SLC16A2: variants seen among roughly 807,000 people sequenced by gnomAD.
SLC16A2 encodes the protein monocarboxylate transporter 8.
A neutral mutation model predicts 27.2 loss-of-function variants in SLC16A2; 3 were observed. The ratio of observed to expected loss-of-function variants is 0.11; its 90% CI spans 0.05 to 0.28. SLC16A2 has a LOEUF of 0.28. Among genes scored for constraint, SLC16A2 ranks in the 10% least tolerant of loss-of-function variants. The pLI is 1.00. For missense variants in SLC16A2, 295 were observed against 458.5 expected (o/e 0.64, Z 3.26); for synonymous variants, 202 against 187.8 (o/e 1.08, Z -0.62).
chrX:74,521,230 G>A (rs1158355756), intron 2 of SLC16A2, 96 bp downstream of exon 2: 19 of 1,048,220 alleles, frequency 1.8e-5, no homozygotes, highest in Non-Finnish European at 2.7e-6. Context: ...AGAATCCCCT[G>A]TGGCCATGGC....
intron 1 of SLC16A2, among the ~76,000 whole-genome samples, chrX:74,490,871 G>T (rs1929814561): frequency 8.9e-6 from 1 of 112,027 alleles, no homozygotes; most frequent in Admixed American, 9.5e-5. Context: ...ACTAGAAGTA[G>T]GATCTTTAAA....
intron 1 of SLC16A2, among the ~76,000 whole-genome samples, chrX:74,434,855 G>A (rs374090437): frequency 7.4e-4 from 71 of 95,791 alleles, no homozygotes; most frequent in African/African-American, 1.1e-3. Context: ...TTGCTCTGTC[G>A]CCCAGGCTGG....
At chrX:74,496,561 G>A (rs1929940343) in intron 1 of SLC16A2, among the ~76,000 whole-genome samples, 1 of 112,145 alleles carries the variant, frequency 8.9e-6, no homozygotes, top group African/African-American at 3.2e-5. Flanking sequence ...AAGTAAGCCA[G>A]GGAACTGTGG....
At chrX:74,469,914 G>C (rs1929323904) in intron 1 of SLC16A2, among the ~76,000 whole-genome samples, 1 of 111,801 alleles carries the variant, frequency 8.9e-6, no homozygotes, top group South Asian at 3.7e-4. Context: ...AATAACATGT[G>C]TCTACCATTA....
intron 1 of SLC16A2, among the ~76,000 whole-genome samples, chrX:74,512,165 A>G (rs1930244639): frequency 8.9e-6 from 1 of 112,129 alleles, no homozygotes; most frequent in African/African-American, 3.2e-5. Flanking sequence ...CCCCATGCCA[A>G]ACCAATACCA....
At chrX:74,442,228 CAAAAAAAAA>C (rs1278847714) in intron 1 of SLC16A2, among the ~76,000 whole-genome samples, 2 of 38,382 alleles carry the variant, frequency 5.2e-5, no homozygotes, top group African/African-American at 1.8e-4. Flanking sequence ...AACTCCGTCT[CAAAAAAAAA>C]AAAAAAAAAA....
At chrX:74,487,371 T>G (rs1929740708) in intron 1 of SLC16A2, among the ~76,000 whole-genome samples, 1 of 111,442 alleles carries the variant, frequency 9.0e-6, no homozygotes. Flanking sequence ...TATTAACTGC[T>G]TCATCTGGGG....
chrX:74,483,670 T>C (rs888751417), intron 1 of SLC16A2, among the ~76,000 whole-genome samples: 18 of 111,432 alleles, frequency 1.6e-4, no homozygotes, highest in Non-Finnish European at 3.0e-4. Context: ...ACATTAGAGG[T>C]AGGGAGAGAA....
chrX:74,459,134 C>G (rs1433573358), intron 1 of SLC16A2, among the ~76,000 whole-genome samples: 1 of 100,289 alleles, frequency 1.0e-5, no homozygotes, highest in Non-Finnish European at 2.0e-5. Context: ...CCCCTTAAGC[C>G]AGTTATAGAC....
chrX:74,442,103 C>T (rs1928759422), intron 1 of SLC16A2, among the ~76,000 whole-genome samples: 1 of 108,879 alleles, frequency 9.2e-6, no homozygotes, highest in South Asian at 4.1e-4. Flanking sequence ...TGGCGCATTC[C>T]TGTAATCCCA....
intron 1 of SLC16A2, among the ~76,000 whole-genome samples, chrX:74,437,606 G>A (rs1369620131): frequency 1.8e-5 from 2 of 112,095 alleles, no homozygotes; most frequent in Admixed American, 9.5e-5. Context: ...CCTTAGATCT[G>A]GCCAAACAGC....
chrX:74,494,099 G>A (rs903182969), intron 1 of SLC16A2, among the ~76,000 whole-genome samples: 2 of 112,258 alleles, frequency 1.8e-5, no homozygotes, highest in African/African-American at 6.5e-5. Flanking sequence ...AGGGGGTGCA[G>A]TTGCTGTCTC....
At chrX:74,504,065 G>A (rs185485032) in intron 1 of SLC16A2, among the ~76,000 whole-genome samples, 105 of 112,392 alleles carry the variant, frequency 9.3e-4, no homozygotes, top group African/African-American at 3.4e-3. Context: ...CTTCTACTAT[G>A]AAGAAAAGAA....
chrX:74,519,231 G>A (rs768153643), intron 1 of SLC16A2, among the ~76,000 whole-genome samples: 4 of 107,266 alleles, frequency 3.7e-5, no homozygotes, highest in African/African-American at 6.8e-5. Context: ...AGCCTGGAGC[G>A]CAGTGGTGAG....
chrX:74,453,381 T>C (rs1408135995), intron 1 of SLC16A2, among the ~76,000 whole-genome samples: 1 of 110,525 alleles, frequency 9.0e-6, no homozygotes, highest in Non-Finnish European at 1.9e-5. Flanking sequence ...TTTATCTTTG[T>C]TAGAGTTTAC....
intron 2 of SLC16A2, 124 bp from the exon 3 acceptor site, chrX:74,524,235 G>T: frequency 1.5e-6 from 1 of 674,124 alleles, no homozygotes. Context: ...CTGTTCTGAG[G>T]GTCAGTGGCA....
chrX:74,515,087 T>C (rs1930294545), intron 1 of SLC16A2, among the ~76,000 whole-genome samples: 1 of 111,260 alleles, frequency 9.0e-6, no homozygotes, highest in Admixed American at 9.5e-5. Flanking sequence ...AACACAGAAA[T>C]TGAATTATTT....
chrX:74,503,740 T>C (rs185577059), intron 1 of SLC16A2, among the ~76,000 whole-genome samples: 37 of 112,015 alleles, frequency 3.3e-4, no homozygotes, highest in African/African-American at 1.2e-3. Context: ...TCAATTTCTT[T>C]CTTTGCAAAA....
chrX:74,514,190 T>C (rs1477166020), intron 1 of SLC16A2, among the ~76,000 whole-genome samples: 9 of 109,053 alleles, frequency 8.3e-5, no homozygotes, highest in Non-Finnish European at 1.1e-4. Flanking sequence ...ACCTGAGTTT[T>C]CTTTTTGCTT....
Sources: gnomAD v4.1 joint callset for allele counts (sites outside exome capture counted in the v4.1 genomes callset) on GRCh38, gnomAD v4.1.1 for gene constraint, MANE v1.5 for transcripts, NCBI Gene and HGNC (gene_info 2026-07-23, HGNC 2026-07-21) for gene names.